Variants in ADGRE2 observed in about 807,000 individuals in gnomAD.
The protein encoded by ADGRE2 is CD97 antigen.
Under a neutral mutation model 100.8 loss-of-function variants are expected in ADGRE2, and 83 were observed. The observed-to-expected ratio is 0.82, with a 90% CI of 0.69 to 0.99. The LOEUF is 0.99. ADGRE2 is among the 50% of genes least tolerant of loss of function. The pLI is 0.00. For synonymous variants in ADGRE2, 355 were observed against 413.0 expected, an observed-to-expected ratio of 0.86 and a Z score of 1.70; for missense variants, 814 against 1,035.7, an observed-to-expected ratio of 0.79 and a Z score of 2.94.
intron 12 of ADGRE2, 80 bp downstream of exon 12, chr19:14,756,158 A>T (rs2147282734): frequency 1.8e-6 from 2 of 1,135,072 alleles, no homozygotes; most frequent in African/African-American, 1.5e-5. Flanking sequence ...TTTAATCTTT[A>T]AATTTCTTAT....
chr19:14,763,213 G>A (rs1326228962), intron 11 of ADGRE2, among the ~76,000 whole-genome samples: 3 of 151,960 alleles, frequency 2.0e-5, no homozygotes, highest in Middle Eastern at 3.4e-3. Flanking sequence ...CGTGGTGGCG[G>A]GCACCTGTAG....
rs1186464044 is a variant in ADGRE2, at chr19:14,733,450, A to G, written c.*2786T>C. The G allele has an allele frequency of 1.3e-5, 2 of 152,244 alleles. No homozygotes were observed. The highest frequency in any genetic ancestry group is 2.4e-5 in the African/African-American group (1 of 41,464). 9.4% of individuals were successfully genotyped at this position (152,244 alleles called of 1,614,324 possible). On this transcript the variant is annotated 3_prime_UTR_variant, in exon 21 of 21. Transcript: ENST00000315576. ...CTCATACAATGGGCCCCAGTAAAACAGTGGGCCTTAATAAGCACATTCCTT... is the reference window on the plus strand; with the variant it reads ...CTCATACAATGGGCCCCAGTAAAACGGTGGGCCTTAATAAGCACATTCCTT...
chr19:14,777,202 A>G (rs910982249), intron 1 of ADGRE2: 1 of 512,632 alleles, frequency 2.0e-6, no homozygotes, highest in African/African-American at 2.1e-5. Context: ...CTGGGCAGGC[A>G]CGCAGGGGCC....
intron 15 of ADGRE2, 48 bp downstream of exon 15, chr19:14,752,281 G>A (rs572377645): frequency 2.0e-5 from 32 of 1,604,614 alleles, no homozygotes; most frequent in East Asian, 4.5e-5. Flanking sequence ...ATGAGCCAGC[G>A]TGTCCTGCGT....
chr19:14,741,732 G>C (rs979827405), intron 20 of ADGRE2: 9 of 236,180 alleles, frequency 3.8e-5, no homozygotes, highest in African/African-American at 2.1e-4. Flanking sequence ...TGATCCACCT[G>C]CCTCGGCCTC....
Position 14,743,623 on chromosome 19 carries a change from C to A in ADGRE2, c.2345G>T (p.Ser782Ile). The A allele has an allele frequency of 6.2e-7, 1 of 1,614,108 alleles. No individual in the cohort carries two copies. The highest frequency in any genetic ancestry group is 8.5e-7 in the Non-Finnish European group (1 of 1,180,008). ...GGAGCTGGGCAGTGGTACCTGCTGGCTGAGGAGGCAGTACACCAGGAAGAT... is the reference window on the plus strand; with the variant it reads ...GGAGCTGGGCAGTGGTACCTGCTGGATGAGGAGGCAGTACACCAGGAAGAT... The part of the protein sequence containing the change: ...VFIFLVYCLL[S>I]QQVREQYGKW... The change falls in exon 19 of 21, where the codon AGC becomes ATC. Residue 782 changes from serine to isoleucine, a missense_variant. By Grantham distance (142) the Ser-to-Ile change is moderately radical (BLOSUM62 -2). Transcript: ENST00000315576.
chr19:14,758,976 C>T (rs1388529856), intron 11 of ADGRE2, among the ~76,000 whole-genome samples: 1 of 151,638 alleles, frequency 6.6e-6, no homozygotes, highest in Non-Finnish European at 1.5e-5. Flanking sequence ...GTGAAATGCA[C>T]GAAGTTTTAT....
At chr19:14,743,352 G>T in intron 20 of ADGRE2, 68 bp downstream of exon 20, 1 of 1,276,240 alleles carries the variant, frequency 7.8e-7, no homozygotes, top group Non-Finnish European at 1.1e-6. Flanking sequence ...AGGTTTCCTT[G>T]TGTGATAGGC....
chr19:14,746,931 A>G lies in ADGRE2; in HGVS notation c.2056T>C (p.Trp686Arg), dbSNP rs200940536. ...CWLQPEKGFI[W>R]GFLGPVCAIF... is the part of the protein sequence containing the mutation. ...GCGCAGACAGGTCCAAGGAAGCCCCATATAAATCCCTTTTCTGGTTGGAGC... is the reference window on the plus strand; with the variant it reads ...GCGCAGACAGGTCCAAGGAAGCCCCGTATAAATCCCTTTTCTGGTTGGAGC... The change falls in exon 17 of 21, where the codon TGG becomes CGG. Residue 686 changes from tryptophan (W) to arginine (R), a missense_variant. Trp to Arg is a moderately radical substitution (Grantham distance 101). This residue lies in a region of ADGRE2 where 569 missense variants were observed against 692.7 expected (regional missense o/e 0.82). Transcript: ENST00000315576. The G allele has an allele frequency of 1.6e-5, 26 of 1,613,688 alleles. No individual in the cohort carries two copies. The highest frequency in any genetic ancestry group is 2.2e-5 in the Non-Finnish European group (26 of 1,179,922).
At position 14,755,101 on chromosome 19, in the gene ADGRE2, G is replaced by A. The variant is rs1226834981; in HGVS notation, c.1443C>T (p.Leu481=). 1.2e-6 allele frequency: 2 copies of A among 1,614,000 alleles called. No homozygotes were observed. Among genetic ancestry groups the A allele is most frequent in the Admixed American group, 1.7e-5 (1 of 59,984 alleles). ...TCTGGCCATGCTCCCAGAAGACACA[G>A]AGCACCTTCTGTCTCGGGATCACTG... The part of the protein sequence containing the change: ...HRSVIPRQKV[L]CVFWEHGQNG... Residue 481 remains leucine, a synonymous_variant, in exon 14 of 21, where the codon CTC becomes CTT. Transcript: ENST00000315576.
chr19:14,730,839 C>G (rs1188360614), downstream of ADGRE2, among the ~76,000 whole-genome samples: 1 of 151,704 alleles, frequency 6.6e-6, no homozygotes, highest in Admixed American at 6.6e-5. Flanking sequence ...TCCCCATTGT[C>G]TAATGCTCCC....
At chr19:14,767,744 G>A (rs1191875816) in intron 5 of ADGRE2, among the ~76,000 whole-genome samples, 1 of 152,232 alleles carries the variant, frequency 6.6e-6, no homozygotes, top group Admixed American at 6.5e-5. Flanking sequence ...CCAAGTGCAG[G>A]GGGCATGCTG....
At chr19:14,755,507 A>T in intron 13 of ADGRE2, 147 bp downstream of exon 13, 1 of 729,666 alleles carries the variant, frequency 1.4e-6, no homozygotes, top group Non-Finnish European at 2.4e-6. Flanking sequence ...AGAAATGCTT[A>T]CCCAAAGCCG....
intron 18 of ADGRE2, 73 bp downstream of exon 18, chr19:14,746,159 C>A: frequency 1.1e-6 from 1 of 877,212 alleles, no homozygotes. Flanking sequence ...ACCTCAGTGG[C>A]TGCTGAGGCA....
intron 4 of ADGRE2, among the ~76,000 whole-genome samples, chr19:14,773,099 CAA>C (rs1231448957): frequency 1.4e-4 from 10 of 72,116 alleles, no homozygotes; most frequent in South Asian, 1.3e-3. Context: ...AAAAAAAAAA[CAA>C]AAAAAAAAAG....
chr19:14,774,198 C>T (rs1047867185), intron 3 of ADGRE2, 58 bp downstream of exon 3: 30 of 1,525,496 alleles, frequency 2.0e-5, no homozygotes, highest in Non-Finnish European at 2.6e-5. Flanking sequence ...GGCGGGGGTC[C>T]AGGACCCTCC....
At chr19:14,747,903 A>T (rs2147183481) in intron 16 of ADGRE2, among the ~76,000 whole-genome samples, 1 of 152,326 alleles carries the variant, frequency 6.6e-6, no homozygotes, top group South Asian at 2.1e-4. Flanking sequence ...TTATTCATTC[A>T]TCAGTGATAG....
intron 20 of ADGRE2, among the ~76,000 whole-genome samples, chr19:14,739,872 G>A (rs1286719859): frequency 6.6e-6 from 1 of 152,136 alleles, no homozygotes; most frequent in Admixed American, 6.6e-5. Context: ...AGGCCAAGGC[G>A]GGCAGATGGC....
At chr19:14,727,176 C>T in the ADGRE2 span, among the ~76,000 whole-genome samples, 12 of 152,020 alleles carry the variant, frequency 7.9e-5, no homozygotes, top group East Asian at 1.9e-4. Context: ...TACAGGTGTC[C>T]GCCACCACGC....
Sources: gnomAD v4.1 joint callset for allele counts (sites outside exome capture counted in the v4.1 genomes callset) on GRCh38, gnomAD v4.1.1 for gene constraint, gnomAD v4.1.1 regional missense constraint, MANE v1.5 for transcripts, NCBI Gene and HGNC (gene_info 2026-07-23, HGNC 2026-07-21) for gene names.